The following GRIP1 variants were observed in gnomAD, a reference collection of about 807,000 sequenced individuals.
GRIP1 encodes the protein glutamate receptor-interacting protein 1.
GRIP1 carries 45 observed loss-of-function variants against 129.9 expected under a neutral mutation model. The observed-to-expected ratio is 0.35, with a 90% CI of 0.27 to 0.44. GRIP1 has a LOEUF of 0.44. Ranked by LOEUF, GRIP1 falls within the 20% of genes least tolerant of loss-of-function variation. The pLI is 1.00. For synonymous variants in GRIP1, 530 were observed against 520.8 expected (o/e 1.02, Z -0.24); for missense variants, 1,196 against 1,396.8 (o/e 0.86, Z 2.29).
chr12:66,397,110 C>CAAAAAAAAA, intron 16 of GRIP1, among the ~76,000 whole-genome samples: 9 of 60,172 alleles, frequency 1.5e-4, no homozygotes, highest in Non-Finnish European at 2.0e-4. Context: ...GACTCTGTCT[C>CAAAAAAAAA]AAAAAAAAAA....
intron 1 of GRIP1, among the ~76,000 whole-genome samples, chr12:66,752,286 T>G (rs574091723): frequency 6.6e-6 from 1 of 152,310 alleles, no homozygotes; most frequent in South Asian, 2.1e-4. Context: ...ATCAAATACC[T>G]ACATAGTCCT....
intron 15 of GRIP1, among the ~76,000 whole-genome samples, chr12:66,413,136 C>A (rs1436914185): frequency 6.6e-6 from 1 of 152,138 alleles, no homozygotes; most frequent in South Asian, 2.1e-4. Context: ...AACTCTCCAC[C>A]CCAAAACGAC....
intron 1 of GRIP1, among the ~76,000 whole-genome samples, chr12:66,892,149 G>T (rs1031771426): frequency 6.6e-6 from 1 of 152,158 alleles, no homozygotes; most frequent in Non-Finnish European, 1.5e-5. Flanking sequence ...GTCCAGAGAT[G>T]ATAGTAGGGA....
At chr12:66,426,004 C>T (rs1005062345) in intron 14 of GRIP1, among the ~76,000 whole-genome samples, 1 of 151,918 alleles carries the variant, frequency 6.6e-6, no homozygotes, top group South Asian at 2.1e-4. Flanking sequence ...AAGCCTGATG[C>T]TATTCTGATT....
intron 4 of GRIP1, 101 bp from the exon 5 acceptor site, chr12:66,530,015 T>A (rs1041032723): frequency 1.3e-6 from 1 of 784,918 alleles, no homozygotes; most frequent in Non-Finnish European, 2.2e-6. Context: ...CTGTTGCAAA[T>A]AAGTTTTGAG....
chr12:66,424,365 G>A (rs1019348502), intron 14 of GRIP1, among the ~76,000 whole-genome samples: 4 of 152,112 alleles, frequency 2.6e-5, no homozygotes, highest in Non-Finnish European at 5.9e-5. Context: ...CAAGAATTCT[G>A]AAAGAGCCGT....
chr12:66,915,790 T>C (rs957236893), intron 1 of GRIP1, among the ~76,000 whole-genome samples: 1 of 151,656 alleles, frequency 6.6e-6, no homozygotes, highest in African/African-American at 2.4e-5. Flanking sequence ...ATATAATGAG[T>C]GACAGCCAGA....
intron 1 of GRIP1, among the ~76,000 whole-genome samples, chr12:66,968,499 T>C (rs1323374254): frequency 6.6e-6 from 1 of 152,156 alleles, no homozygotes; most frequent in African/African-American, 2.4e-5. Context: ...TGTTATCTAC[T>C]CTCTGAGCAT....
At position 66,970,884 on chromosome 12, in the gene GRIP1, T is replaced by C. The variant is rs549384319; in HGVS notation, c.58+98166A>G. Among the ~76,000 whole-genome samples the C allele has an allele frequency of 9.3e-4, 142 of 152,304 alleles. 2 individuals carry two copies. The highest frequency in any genetic ancestry group is 3.3e-3 in the African/African-American group (139 of 41,576). ...ATGGGATAAGACTCTGGTAAAGCCC[T>C]TTTCCTTGGAGAGTAAGTCTTTATC... On this transcript the variant is annotated intron_variant, in intron 1 of 1. Transcript: ENST00000643019.
intron 7 of GRIP1, among the ~76,000 whole-genome samples, chr12:66,466,712 A>G (rs973575068): frequency 3.3e-5 from 5 of 152,128 alleles, no homozygotes. Context: ...CATATAGGAT[A>G]TTTTCATTAT....
chr12:66,857,139 C>T (rs1204428454), intron 1 of GRIP1, among the ~76,000 whole-genome samples: 6 of 151,436 alleles, frequency 4.0e-5, no homozygotes, highest in African/African-American at 7.3e-5. Flanking sequence ...AACCAAACAC[C>T]GCATGTTCTC....
intron 17 of GRIP1, among the ~76,000 whole-genome samples, chr12:66,393,272 G>A (rs574572609): frequency 3.0e-5 from 4 of 131,748 alleles, no homozygotes; most frequent in Admixed American, 9.6e-5. Context: ...TCCGCATCCC[G>A]GGTTCAAGCA....
Position 66,930,375 on chromosome 12 carries a change from C to T in GRIP1, c.58+138675G>A, listed in dbSNP as rs531710658. 1.3e-4 allele frequency among the ~76,000 whole-genome samples: 20 copies of T among 149,314 alleles called. No homozygotes were observed. In the South Asian group the frequency reaches 4.0e-3, roughly 30 times the overall value. ...TGCGATGTTTGGTTTTTTGTTCTTG[C>T]GATAGTTTACTGAGAATGGTGATTT... On this transcript the variant is annotated intron_variant, in intron 1 of 1. Transcript: ENST00000643019.
Position 66,900,051 on chromosome 12 carries a change from T to C in GRIP1, c.58+168999A>G, listed in dbSNP as rs139843496. ...CACTTCCTGCCTGAAAATGTCCTCT[T>C]GAATGTTAGAAATAAGTGGAAAAGG... On this transcript the variant is annotated intron_variant, in intron 1 of 1. Coordinates refer to the GRIP1 transcript ENST00000643019. Among the ~76,000 whole-genome samples the C allele has an allele frequency of 1.6e-4, 25 of 152,226 alleles. No individual in the cohort carries two copies. In the East Asian group the frequency reaches 3.7e-3, roughly 22 times the overall value.
chr12:66,404,860 CA>C (rs1484277137), intron 16 of GRIP1, among the ~76,000 whole-genome samples: 1 of 152,038 alleles, frequency 6.6e-6, no homozygotes, highest in East Asian at 1.9e-4. Flanking sequence ...GGCAAAACTC[CA>C]TCTCTACTAA....
intron 1 of GRIP1, among the ~76,000 whole-genome samples, chr12:66,787,475 C>A (rs992125729): frequency 6.6e-6 from 1 of 152,158 alleles, no homozygotes; most frequent in East Asian, 1.9e-4. Context: ...ACTGTGCCCC[C>A]TCCCCTGCAA....
chr12:66,714,742 A>T (rs143187438), intron 1 of GRIP1, among the ~76,000 whole-genome samples: 1 of 151,980 alleles, frequency 6.6e-6, no homozygotes, highest in Admixed American at 6.6e-5. Flanking sequence ...AGCATTATTC[A>T]TTCTGTACAT....
intron 17 of GRIP1, among the ~76,000 whole-genome samples, chr12:66,393,085 T>A (rs943776958): frequency 2.6e-5 from 4 of 151,640 alleles, no homozygotes; most frequent in African/African-American, 9.7e-5. Context: ...AGTCATTGGT[T>A]AAGCACCCTA....
At chr12:66,527,985 A>G (rs2061313909) in intron 5 of GRIP1, among the ~76,000 whole-genome samples, 1 of 152,144 alleles carries the variant, frequency 6.6e-6, no homozygotes, top group Non-Finnish European at 1.5e-5. Flanking sequence ...TTGGAAAGAA[A>G]AAAAATCCCT....
Sources: allele counts gnomAD v4.1 joint callset (sites outside exome capture counted in the v4.1 genomes callset), GRCh38; gene constraint gnomAD v4.1.1; transcripts MANE v1.5; gene names NCBI Gene and HGNC (gene_info 2026-07-23, HGNC 2026-07-21).